Variants in RAB27B observed in about 807,000 individuals in gnomAD.
The protein encoded by RAB27B is RAB27B, member RAS oncogene family, also known as ras-related protein Rab-27B.
RAB27B carries 15 observed loss-of-function variants against 24.6 expected under a neutral mutation model. The observed-to-expected ratio is 0.61, with a 90% CI of 0.41 to 0.94. The LOEUF (loss-of-function observed/expected upper bound fraction) is 0.94. Ranked by LOEUF, RAB27B falls within the 40% of genes least tolerant of loss-of-function variation. The pLI, the probability that RAB27B is intolerant of heterozygous loss-of-function variation, is 0.00. For synonymous variants in RAB27B, 105 were observed against 92.5 expected (o/e 1.14, Z -0.78); for missense variants, 261 against 266.8 (o/e 0.98, Z 0.15).
chr18:54,834,761 T>G (rs1325961523), intron 1 of RAB27B, among the ~76,000 whole-genome samples: 1 of 151,964 alleles, frequency 6.6e-6, no homozygotes, highest in Non-Finnish European at 1.5e-5. Flanking sequence ...AGGGAAAATT[T>G]CATTTTAAAA....
chr18:54,837,412 G>A (rs1381991130), intron 1 of RAB27B, among the ~76,000 whole-genome samples: 1 of 152,044 alleles, frequency 6.6e-6, no homozygotes, highest in Admixed American at 6.6e-5. Flanking sequence ...ATAAATAGTG[G>A]TCCTCAAAAT....
chr18:54,807,755 T>C (rs1279165853), intron 2 of RAB27B, among the ~76,000 whole-genome samples: 6 of 152,158 alleles, frequency 3.9e-5, no homozygotes, highest in Admixed American at 3.9e-4. Context: ...ACACTTGACA[T>C]GTGTAGGTAA....
intron 1 of RAB27B, among the ~76,000 whole-genome samples, chr18:54,871,866 A>G (rs990108540): frequency 3.3e-5 from 5 of 151,932 alleles, no homozygotes; most frequent in South Asian, 2.1e-4. Context: ...AAAAAAAAAA[A>G]AAAGAAATAT....
At chr18:54,848,319 A>G (rs1224278402) in intron 1 of RAB27B, among the ~76,000 whole-genome samples, 1 of 152,210 alleles carries the variant, frequency 6.6e-6, no homozygotes, top group African/African-American at 2.4e-5. Flanking sequence ...TCATAACTGC[A>G]TTATCAGCAA....
rs1913307286 is a variant in RAB27B at position 54,890,038 on chromosome 18, T to TATATTCTTAATGCTA, written c.*636_*637insGCTAATATTCTTAAT. Reference sequence around the variant, plus strand: ...GGAGGTAGTGTCATAATGCCGTCTTTATATTCTTAATAAATAGCACTTTGA... The same window carrying TATATTCTTAATGCTA: ...GGAGGTAGTGTCATAATGCCGTCTTTATATTCTTAATGCTAATATTCTTAATAAATAGCACTTTGA... On this transcript the variant is annotated 3_prime_UTR_variant, in exon 6 of 6. Coordinates refer to ENST00000262094, the MANE Select transcript of RAB27B (RefSeq NM_004163.4). 6.6e-6 allele frequency: 1 copy of TATATTCTTAATGCTA among 152,086 alleles called. No homozygotes were observed. Among genetic ancestry groups the TATATTCTTAATGCTA allele is most frequent in the African/African-American group, 2.4e-5 (1 of 41,434 alleles). The allele number at this position is 152,086 out of a possible 1,614,324, so 9.4% of individuals were successfully genotyped here.
At chr18:54,875,763 A>G (rs1912671067) in intron 1 of RAB27B, among the ~76,000 whole-genome samples, 1 of 152,228 alleles carries the variant, frequency 6.6e-6, no homozygotes, top group Non-Finnish European at 1.5e-5. Context: ...ATATAATGAT[A>G]CTGGATTATT....
intron 2 of RAB27B, among the ~76,000 whole-genome samples, chr18:54,764,556 T>G (rs186125241): frequency 2.7e-3 from 405 of 152,240 alleles, no homozygotes; most frequent in Non-Finnish European, 3.7e-3. Context: ...TGAGTAGTTG[T>G]CCCTTCCCTA....
intron 2 of RAB27B, among the ~76,000 whole-genome samples, chr18:54,805,246 G>A (rs1909755581): frequency 6.6e-6 from 1 of 152,106 alleles, no homozygotes; most frequent in Admixed American, 6.5e-5. Context: ...TGCCAGGGAT[G>A]TAGCTGGAAG....
chr18:54,722,534 C>G (rs1909392716), intron 2 of RAB27B, among the ~76,000 whole-genome samples: 1 of 152,102 alleles, frequency 6.6e-6, no homozygotes, highest in Non-Finnish European at 1.5e-5. Flanking sequence ...GAGTGCGATG[C>G]ACATGGCATT....
At chr18:54,856,388 C>T (rs1009291202) in intron 1 of RAB27B, among the ~76,000 whole-genome samples, 2 of 152,192 alleles carry the variant, frequency 1.3e-5, no homozygotes, top group Admixed American at 6.5e-5. Flanking sequence ...TGCAACATTT[C>T]GTAAGCCAGA....
chr18:54,869,261 A>AATCATTTG (rs1296231856), intron 1 of RAB27B, among the ~76,000 whole-genome samples: 6 of 152,232 alleles, frequency 3.9e-5, no homozygotes, highest in Admixed American at 2.0e-4. Context: ...GCTGAGTTGT[A>AATCATTTG]ATCATTTGTA....
chr18:54,728,969 A>T (rs1473793974), intron 2 of RAB27B, among the ~76,000 whole-genome samples: 1 of 129,494 alleles, frequency 7.7e-6, no homozygotes, highest in African/African-American at 2.8e-5. Flanking sequence ...ATTTTTGTTT[A>T]AAAATTAGTA....
chr18:54,728,862 T>C (rs1909628372), intron 2 of RAB27B, among the ~76,000 whole-genome samples: 2 of 59,950 alleles, frequency 3.3e-5, no homozygotes, highest in South Asian at 5.8e-4. Flanking sequence ...GAAGACAGAG[T>C]AAGACTCTGT....
chr18:54,818,216 T>C (rs1416488124), intron 2 of RAB27B, among the ~76,000 whole-genome samples: 1 of 152,222 alleles, frequency 6.6e-6, no homozygotes, highest in Non-Finnish European at 1.5e-5. Flanking sequence ...GGTATTGCAA[T>C]GCCCTTCCTA....
intron 2 of RAB27B, among the ~76,000 whole-genome samples, chr18:54,785,108 C>CTT (rs35254252): frequency 0.016 from 2,369 of 148,702 alleles, 56 homozygotes; most frequent in African/African-American, 0.045. Flanking sequence ...GCTGAATGTT[C>CTT]TTTTTTTTTT....
At chr18:54,809,016 A>G (rs1203642863) in intron 2 of RAB27B, among the ~76,000 whole-genome samples, 2 of 152,198 alleles carry the variant, frequency 1.3e-5, no homozygotes, top group Non-Finnish European at 2.9e-5. Context: ...TTGACAGTGC[A>G]ATTAGTACAT....
chr18:54,879,771 C>CGTTAT (rs1912848253), intron 3 of RAB27B: 2 of 232,578 alleles, frequency 8.6e-6, no homozygotes, highest in South Asian at 8.4e-5. Flanking sequence ...AAATTAACGC[C>CGTTAT]GTTATAAGTG....
In RAB27B at chr18:54,883,380, G is replaced by C. The variant is rs139981003; in HGVS notation, c.240-953G>C. ...AACCAACACAAAGGATCTATAAAAA[G>C]GCTAAAATAGGAGACCAAAAATTAG... On this transcript the variant is annotated intron_variant, in intron 3 of 5. Coordinates refer to ENST00000262094, the MANE Select transcript of RAB27B (RefSeq NM_004163.4). 1.5e-3 allele frequency among the ~76,000 whole-genome samples: 224 copies of C among 152,268 alleles called. 1 individual carries two copies. Among genetic ancestry groups the C allele is most frequent in the Non-Finnish European group, 2.3e-3 (159 of 68,026 alleles).
At position 54,736,621 on chromosome 18, in the gene RAB27B, C is replaced by T. The variant is rs549480168; in HGVS notation, c.-20+18480C>T. 2.6e-5 allele frequency among the ~76,000 whole-genome samples: 4 copies of T among 152,154 alleles called. No homozygotes were observed. In the South Asian group the frequency reaches 8.3e-4, roughly 32 times the overall value. The stretch of plus-strand genomic sequence containing the variant: ...TGCATGAAGAAGTACAAAGGGAAGC[C>T]TTCTTTAGTCTCTGGGTGTGTGTGT... On this transcript the variant is annotated intron_variant, in intron 2 of 4. Coordinates refer to the RAB27B transcript ENST00000586570.
Sources: allele counts gnomAD v4.1 joint callset (sites outside exome capture counted in the v4.1 genomes callset), GRCh38; gene constraint gnomAD v4.1.1; transcripts MANE v1.5; gene names NCBI Gene and HGNC (gene_info 2026-07-23, HGNC 2026-07-21).